ZNF106: variants seen among roughly 807,000 people sequenced by gnomAD.
ZNF106 encodes the protein SH3-domain binding protein 3.
A neutral mutation model predicts 195.1 loss-of-function variants in ZNF106; 67 were observed. That is an observed-to-expected ratio of 0.34 (90% CI 0.28 to 0.42). The LOEUF is 0.42. Ranked by LOEUF, ZNF106 falls within the 10% of genes least tolerant of loss-of-function variation. ZNF106 has a pLI of 1.00. For synonymous variants in ZNF106, 784 were observed against 818.6 expected (o/e 0.96, Z 0.72); for missense variants, 2,118 against 2,304.5 (o/e 0.92, Z 1.66).
At chr15:42,464,931 G>A (rs761590699) in intron 3 of ZNF106, among the ~76,000 whole-genome samples, 5 of 152,154 alleles carry the variant, frequency 3.3e-5, no homozygotes, top group Non-Finnish European at 7.4e-5. Context: ...CTTGCCTGCT[G>A]CCATGTAAGA....
intron 21 of ZNF106, 27 bp downstream of exon 21, chr15:42,417,778 G>C (rs574344009): frequency 1.8e-5 from 28 of 1,599,156 alleles, no homozygotes; most frequent in Non-Finnish European, 2.4e-5. Flanking sequence ...CTGAATCCCA[G>C]GCAAACCTCA....
chr15:42,417,822 T>C lies in ZNF106; in HGVS notation c.5647A>G (p.Arg1883Gly). ...TAATGTACCTGTTTGGATCCTTTCC[T>C]AGCAGTGAAAAAAGCATCGCAGTTC... ...WKNCDAFFTA[R>G]KGSKQDAAGH... The change falls in exon 21 of 22, where the codon AGG becomes GGG. Residue 1883 changes from arginine (R) to glycine (G), a missense_variant. Arg to Gly is a moderately radical substitution (Grantham distance 125). Coordinates refer to ENST00000564754, the MANE Select transcript of ZNF106 (RefSeq NM_001366845.3). 6.2e-7 allele frequency: 1 copy of C among 1,613,960 alleles called. No homozygotes were observed. The highest frequency in any genetic ancestry group is 8.5e-7 in the Non-Finnish European group (1 of 1,179,914).
At chr15:42,468,758 A>T (rs2056592585) in intron 2 of ZNF106, among the ~76,000 whole-genome samples, 1 of 151,762 alleles carries the variant, frequency 6.6e-6, no homozygotes. Flanking sequence ...AATAAAAAAT[A>T]AAAAAATAAG....
intron 16 of ZNF106, 153 bp downstream of exon 16, chr15:42,424,681 T>C: frequency 2.9e-6 from 2 of 698,688 alleles, no homozygotes; most frequent in East Asian, 2.8e-5. Context: ...AGTTTTGCCA[T>C]GTTGCCCTGG....
chr15:42,464,471 A>T (rs1198309429), intron 3 of ZNF106, among the ~76,000 whole-genome samples: 3 of 152,030 alleles, frequency 2.0e-5, no homozygotes, highest in African/African-American at 7.2e-5. Flanking sequence ...GAAGTCAAAT[A>T]CATCAAAATA....
At chr15:42,489,118 A>AC (rs2057081052) in intron 1 of ZNF106, among the ~76,000 whole-genome samples, 2 of 149,278 alleles carry the variant, frequency 1.3e-5, no homozygotes, top group Non-Finnish European at 3.0e-5. Flanking sequence ...ACACACACAC[A>AC]ATAGGTTCTG....
chr15:42,487,466 A>C (rs1040740607), intron 1 of ZNF106, among the ~76,000 whole-genome samples: 1 of 126,288 alleles, frequency 7.9e-6, no homozygotes, highest in Non-Finnish European at 1.6e-5. Context: ...ACTTCAGCCT[A>C]GGTGACTGAG....
At chr15:42,462,362 C>A (rs1340879089) in intron 3 of ZNF106, among the ~76,000 whole-genome samples, 2 of 152,158 alleles carry the variant, frequency 1.3e-5, no homozygotes, top group Non-Finnish European at 2.9e-5. Context: ...CTTTGGGAGG[C>A]CGAGGCAGGT....
intron 10 of ZNF106, 138 bp downstream of exon 10, chr15:42,441,935 A>G (rs2055549192): frequency 1.5e-5 from 9 of 609,930 alleles, no homozygotes; most frequent in South Asian, 1.2e-4. Flanking sequence ...TCCTGTATAT[A>G]TGAAGAGAAT....
chr15:42,477,356 A>C (rs1271065713), intron 1 of ZNF106, among the ~76,000 whole-genome samples: 1 of 152,182 alleles, frequency 6.6e-6, no homozygotes, highest in Non-Finnish European at 1.5e-5. Context: ...ATTTTTTAGT[A>C]CTTTTTAATA....
intron 1 of ZNF106, among the ~76,000 whole-genome samples, chr15:42,482,205 A>C (rs1202776296): frequency 6.6e-6 from 1 of 152,160 alleles, no homozygotes; most frequent in East Asian, 1.9e-4. Context: ...CCTTTATATC[A>C]TTTTTATTTC....
chr15:42,445,005 C>T, intron 7 of ZNF106, 24 bp from the exon 8 acceptor site: 1 of 1,612,800 alleles, frequency 6.2e-7, no homozygotes, highest in East Asian at 2.2e-5. Flanking sequence ...TCATAAGGTT[C>T]AGGTTAATAC....
chr15:42,417,429 G>A (rs2054500320), intron 21 of ZNF106, 69 bp from the exon 22 acceptor site: 1 of 1,588,518 alleles, frequency 6.3e-7, no homozygotes, highest in African/African-American at 1.3e-5. Context: ...TCAAAGCCAA[G>A]GAAAGCCATG....
At position 42,476,154 on chromosome 15, in the gene ZNF106, A is replaced by T. The variant is rs1216270864; in HGVS notation, c.-32-3833T>A. Among the ~76,000 whole-genome samples the T allele has an allele frequency of 2.6e-5, 4 of 152,348 alleles. No homozygotes were observed. In the East Asian group the frequency reaches 5.8e-4, roughly 22 times the overall value. On this transcript the variant is annotated intron_variant, in intron 1 of 21. Coordinates refer to ENST00000564754, the MANE Select transcript of ZNF106 (RefSeq NM_001366845.3). ...AATACTCATTTTCATTTTCTTAAAA[A>T]ATCAAAATATAACTGCCAGCAAAGT...
chr15:42,466,567 T>C (rs1336255132), intron 2 of ZNF106, among the ~76,000 whole-genome samples: 1 of 152,186 alleles, frequency 6.6e-6, no homozygotes, highest in Admixed American at 6.5e-5. Context: ...GCCTAGCATA[T>C]AGTCATCAAT....
rs775930188 is a variant in ZNF106, at chr15:42,439,099, G to C, written c.4478C>G (p.Ser1493Cys). The C allele has an allele frequency of 1.9e-6, 3 of 1,614,208 alleles. No homozygotes were observed. Among genetic ancestry groups the C allele is most frequent in the Non-Finnish European group, 2.5e-6 (3 of 1,180,028 alleles). Residue 1493 changes from serine to cysteine, a missense_variant, in exon 11 of 22, where the codon TCT becomes TGT. Coordinates refer to ENST00000564754, the MANE Select transcript of ZNF106 (RefSeq NM_001366845.3). ...GGTAGAGCTAACTTCATCACACCCA[G>C]AACGAGACGTTTCTAGTGGGTTTTG... is the stretch of plus-strand genomic sequence containing the variant. ...TEQNPLETSR[S>C]GCDEVSSTSE...
intron 7 of ZNF106, among the ~76,000 whole-genome samples, chr15:42,446,275 T>C (rs1384917838): frequency 6.6e-6 from 1 of 152,220 alleles, no homozygotes; most frequent in Non-Finnish European, 1.5e-5. Flanking sequence ...GCACAAACGC[T>C]GAACTGCTAC....
intron 12 of ZNF106, 85 bp from the exon 13 acceptor site, chr15:42,437,462 A>C: frequency 6.6e-7 from 1 of 1,504,522 alleles, no homozygotes; most frequent in Non-Finnish European, 8.9e-7. Flanking sequence ...ACAATACAGT[A>C]GTCCCTAGAT....
In ZNF106 at chr15:42,415,670, C is replaced by A. The variant is rs866979648; in HGVS notation, c.*1634G>T. The A allele has an allele frequency of 4.2e-6, 1 of 239,948 alleles. No individual in the cohort carries two copies. Among genetic ancestry groups the A allele is most frequent in the Middle Eastern group, 1.4e-3 (1 of 728 alleles). The allele number at this position is 239,948 out of a possible 1,614,324, so 14.9% of individuals were successfully genotyped here. A position where few individuals can be genotyped will look rare whatever the true frequency, so the allele number is the denominator to read the frequency against. On this transcript the variant is annotated 3_prime_UTR_variant, in exon 22 of 22. Transcript: ENST00000564754. ...GTCTGCAATCCCAGAGAGCATGAGG[C>A]ACCATGTCCCAAAGCTTGGTATGTG...
Sources: allele counts gnomAD v4.1 joint callset (sites outside exome capture counted in the v4.1 genomes callset), GRCh38; gene constraint gnomAD v4.1.1; transcripts MANE v1.5; gene names NCBI Gene and HGNC (gene_info 2026-07-23, HGNC 2026-07-21).